Variants in EHD4 observed in about 807,000 individuals in gnomAD.
EHD4 encodes the protein EH domain containing 4.
EHD4 carries 37 observed loss-of-function variants against 51.0 expected under a neutral mutation model. The observed-to-expected ratio is 0.73, with a 90% CI of 0.56 to 0.95. The LOEUF (loss-of-function observed/expected upper bound fraction) is 0.95. EHD4 is among the 40% of genes least tolerant of loss of function. The pLI is 0.00. For missense variants in EHD4, 632 were observed against 733.1 expected (o/e 0.86, Z 1.59); for synonymous variants, 297 against 317.3 (o/e 0.94, Z 0.68).
chr15:41,921,264 CACTCCCTG>C (rs977440758), intron 3 of EHD4, among the ~76,000 whole-genome samples: 3 of 152,158 alleles, frequency 2.0e-5, no homozygotes, highest in African/African-American at 7.2e-5. Context: ...CTCACTGCGG[CACTCCCTG>C]ACTCCTTGGG....
chr15:41,920,644 A>C (rs2067618664), intron 3 of EHD4, among the ~76,000 whole-genome samples: 1 of 152,144 alleles, frequency 6.6e-6, no homozygotes, highest in Admixed American at 6.6e-5. Context: ...TAATTTTAAC[A>C]AATGTTGACA....
At chr15:41,963,785 A>AC (rs1160537554) in intron 1 of EHD4, among the ~76,000 whole-genome samples, 2 of 152,126 alleles carry the variant, frequency 1.3e-5, no homozygotes, top group Non-Finnish European at 2.9e-5. Flanking sequence ...AACTGGAAAA[A>AC]CACTTTTACA....
chr15:41,901,282 C>A, intron 5 of EHD4, 101 bp from the exon 6 acceptor site: 1 of 1,277,532 alleles, frequency 7.8e-7, no homozygotes, highest in South Asian at 1.5e-5. Context: ...AGGCAGACGT[C>A]CCACCCACTA....
chr15:41,906,980 C>G (rs915012094), intron 5 of EHD4, among the ~76,000 whole-genome samples: 18 of 152,340 alleles, frequency 1.2e-4, no homozygotes, highest in African/African-American at 4.1e-4. Flanking sequence ...TGAGATCATG[C>G]TTTCCTTGTT....
chr15:41,949,721 A>G (rs1162038143), intron 2 of EHD4, among the ~76,000 whole-genome samples: 1 of 152,204 alleles, frequency 6.6e-6, no homozygotes, highest in East Asian at 1.9e-4. Context: ...GAAGATAACA[A>G]TTTAAAATAA....
At position 41,955,285 on chromosome 15, in the gene EHD4, C is replaced by T. The variant is rs188141171; in HGVS notation, c.237-1345G>A. On this transcript the variant is annotated intron_variant, in intron 1 of 5. Coordinates refer to ENST00000220325, the MANE Select transcript of EHD4 (RefSeq NM_139265.4). ...AAACTGGGGCATCAGAGAGGCCAAG[C>T]GGCTTGCCCAAGGTCACACAGCGGA... Among the ~76,000 whole-genome samples the T allele has an allele frequency of 3.6e-3, 525 of 147,254 alleles. 2 individuals are homozygous for T. The highest frequency in any genetic ancestry group is 6.0e-3 in the Non-Finnish European group (411 of 67,984).
At chr15:41,949,753 T>C (rs1177751816) in intron 2 of EHD4, among the ~76,000 whole-genome samples, 1 of 151,994 alleles carries the variant, frequency 6.6e-6, no homozygotes, top group Non-Finnish European at 1.5e-5. Context: ...AGACAAAAAA[T>C]GTCTACAGCT....
intron 3 of EHD4, among the ~76,000 whole-genome samples, chr15:41,925,681 C>T (rs1479230659): frequency 6.6e-6 from 1 of 152,194 alleles, no homozygotes; most frequent in Non-Finnish European, 1.5e-5. Context: ...AATATAGTTT[C>T]TTTCTTTGCC....
Position 41,909,851 on chromosome 15 carries a change from T to G in EHD4, c.937A>C (p.Ile313Leu), listed in dbSNP as rs746158680. 13 of 1,614,220 alleles carry G rather than the reference T, an allele frequency of 8.1e-6. No homozygotes were observed. The highest frequency in any genetic ancestry group is 7.7e-5 in the South Asian group (7 of 91,090). Residue 313 changes from isoleucine to leucine, a missense_variant, in exon 5 of 6, where the codon ATC (isoleucine) becomes CTC (leucine). Ile to Leu is a conservative substitution (Grantham distance 5). Coordinates refer to ENST00000220325, the MANE Select transcript of EHD4 (RefSeq NM_139265.4). ...RARLAKVHAY[I>L]ISYLKKEMPS... ...ATCTCCTTCTTCAGGTAGCTGATGA[T>G]GTAGGCATGCACCTGGAGGGGTATA...
chr15:41,942,097 T>A (rs1262448587), intron 3 of EHD4: 1 of 152,240 alleles, frequency 6.6e-6, no homozygotes, highest in Non-Finnish European at 1.5e-5. Context: ...AGGAAAAGAC[T>A]TGAGCTGCCT....
At chr15:41,946,487 T>C (rs1016884622) in intron 2 of EHD4, among the ~76,000 whole-genome samples, 9 of 152,138 alleles carry the variant, frequency 5.9e-5, no homozygotes, top group Non-Finnish European at 8.8e-5. Context: ...CCCAGCACTT[T>C]GGAGGCTGAG....
At chr15:41,914,643 G>T (rs752912401) in intron 4 of EHD4, among the ~76,000 whole-genome samples, 11 of 152,030 alleles carry the variant, frequency 7.2e-5, no homozygotes, top group Non-Finnish European at 1.5e-4. Context: ...AGTAGCTCAG[G>T]GCTGCTGACT....
At chr15:41,907,022 C>T (rs1305708019) in intron 5 of EHD4, among the ~76,000 whole-genome samples, 1 of 152,182 alleles carries the variant, frequency 6.6e-6, no homozygotes, top group Non-Finnish European at 1.5e-5. Flanking sequence ...CCCTGGGTGT[C>T]TTCTGACCTG....
chr15:41,954,803 A>G (rs2067876177), intron 1 of EHD4, among the ~76,000 whole-genome samples: 1 of 151,912 alleles, frequency 6.6e-6, no homozygotes, highest in African/African-American at 2.4e-5. Context: ...ATGCCTAGCT[A>G]ATTTTTTGTA....
chr15:41,943,304 T>C (rs2067789193), intron 2 of EHD4, 140 bp from the exon 3 acceptor site: 1 of 615,144 alleles, frequency 1.6e-6, no homozygotes, highest in South Asian at 2.0e-5. Flanking sequence ...TGAGGATGCC[T>C]AATGAAGTTG....
intron 2 of EHD4, among the ~76,000 whole-genome samples, chr15:41,951,250 A>G (rs2067850761): frequency 1.3e-5 from 2 of 152,330 alleles, no homozygotes; most frequent in South Asian, 4.2e-4. Flanking sequence ...CTAATACACA[A>G]GTCTAGAACA....
intron 3 of EHD4, among the ~76,000 whole-genome samples, chr15:41,934,611 C>G (rs1316446979): frequency 6.6e-6 from 1 of 152,162 alleles, no homozygotes; most frequent in African/African-American, 2.4e-5. Flanking sequence ...CTCTGCCTGG[C>G]TGAAGCAGCA....
At chr15:41,914,542 G>C (rs961989366) in intron 4 of EHD4, among the ~76,000 whole-genome samples, 2 of 152,094 alleles carry the variant, frequency 1.3e-5, no homozygotes, top group East Asian at 1.9e-4. Context: ...CCTTAAAGGG[G>C]ACCGGAGGGG....
At chr15:41,923,086 T>A (rs1348684935) in intron 3 of EHD4, among the ~76,000 whole-genome samples, 1 of 152,200 alleles carries the variant, frequency 6.6e-6, no homozygotes, top group Non-Finnish European at 1.5e-5. Context: ...TGGCATTAAA[T>A]AAGTCACATT....
Sources: allele counts gnomAD v4.1 joint callset (sites outside exome capture counted in the v4.1 genomes callset), GRCh38; gene constraint gnomAD v4.1.1; transcripts MANE v1.5; gene names NCBI Gene and HGNC (gene_info 2026-07-23, HGNC 2026-07-21).